HMOX2: variants seen among roughly 807,000 people sequenced by gnomAD.
HMOX2 encodes the protein heme oxygenase (decycling) 2.
In HMOX2, 30 loss-of-function variants were observed where a neutral mutation model predicts 33.7. The ratio of observed to expected loss-of-function variants is 0.89; its 90% CI spans 0.67 to 1.21. The LOEUF (loss-of-function observed/expected upper bound fraction) is 1.21, where lower values mean the gene tolerates loss of function less well. Ranked by LOEUF, HMOX2 falls within the 50% of genes most tolerant of loss-of-function variation. The pLI, the probability that HMOX2 is intolerant of heterozygous loss-of-function variation, is 0.00. For synonymous variants in HMOX2, 155 were observed against 155.0 expected (o/e 1.00, Z 0.00); for missense variants, 403 against 399.1 (o/e 1.01, Z -0.08).
In HMOX2 at chr16:4,507,742, C is replaced by G; in HGVS notation, c.234C>G (p.Tyr78Ter). The G allele has an allele frequency of 6.2e-7, 1 of 1,614,184 alleles. No homozygotes were observed. ...CCACCACGGCACTTTACTTCACATA[C>G]TCAGCCCTCGAGGAGGAAATGGAGC... ...KLATTALYFT[Y>*]SALEEEMERN... Residue 78 changes from tyrosine (Y) to a stop codon, truncating the protein, a stop_gained, in exon 4 of 6, where the codon TAC becomes TAG. Transcript: ENST00000570646. LOFTEE classifies it high-confidence loss of function.
intron 1 of HMOX2, among the ~76,000 whole-genome samples, chr16:4,501,900 G>C (rs1452327278): frequency 6.6e-6 from 1 of 152,158 alleles, no homozygotes; most frequent in Non-Finnish European, 1.5e-5. Context: ...AGCCTTCCCA[G>C]GAGCCTCCTC....
intron 1 of HMOX2, among the ~76,000 whole-genome samples, chr16:4,490,913 G>A (rs1337030629): frequency 1.3e-5 from 2 of 152,104 alleles, no homozygotes; most frequent in South Asian, 2.1e-4. Context: ...GTGGTGGTGG[G>A]GTATGTGTGT....
rs141650438 is a variant in HMOX2 at position 4,484,359 on chromosome 16, A to G, written c.-42+7872A>G. On this transcript the variant is annotated intron_variant, in intron 1 of 5. Transcript: ENST00000570646. ...GATCAAGAAACAGTAGTATGAGGCCATTTGAGAAGTATATATAGTTATCCC... is the reference window on the plus strand; with the variant it reads ...GATCAAGAAACAGTAGTATGAGGCCGTTTGAGAAGTATATATAGTTATCCC... Among the ~76,000 whole-genome samples the G allele has an allele frequency of 2.6e-3, 391 of 152,236 alleles. 4 individuals are homozygous for G. Among genetic ancestry groups the G allele is most frequent in the African/African-American group, 8.9e-3 (369 of 41,568 alleles).
intron 3 of HMOX2, 64 bp from the exon 4 acceptor site, chr16:4,507,649 T>C: frequency 6.4e-7 from 1 of 1,553,356 alleles, no homozygotes; most frequent in Non-Finnish European, 8.7e-7. Flanking sequence ...CTTGAGCCTC[T>C]GCATCCAGCT....
intron 1 of HMOX2, among the ~76,000 whole-genome samples, chr16:4,504,814 C>T (rs1305618908): frequency 2.0e-5 from 3 of 150,856 alleles, no homozygotes; most frequent in Non-Finnish European, 4.4e-5. Flanking sequence ...CTGAGCCTCC[C>T]GAGTAGCTGG....
intron 1 of HMOX2, among the ~76,000 whole-genome samples, chr16:4,480,319 A>G (rs1210377488): frequency 1.4e-5 from 2 of 139,530 alleles, no homozygotes; most frequent in African/African-American, 5.4e-5. Flanking sequence ...AAGTGCTAGT[A>G]TTACAGGCGT....
intron 1 of HMOX2, among the ~76,000 whole-genome samples, chr16:4,488,048 G>A (rs1241000544): frequency 2.0e-5 from 3 of 150,894 alleles, no homozygotes; most frequent in Admixed American, 6.6e-5. Context: ...ACTTGAACCC[G>A]GGAGGCAGAG....
chr16:4,496,229 T>C, intron 1 of HMOX2: 1 of 153,098 alleles, frequency 6.5e-6, no homozygotes, highest in Non-Finnish European at 1.4e-5. Context: ...GTTCAAGAGA[T>C]TCTCCTGCCT....
At chr16:4,487,672 C>T (rs2058204114) in intron 1 of HMOX2, among the ~76,000 whole-genome samples, 1 of 151,564 alleles carries the variant, frequency 6.6e-6, no homozygotes, top group African/African-American at 2.4e-5. Flanking sequence ...TGGTGGCTGG[C>T]GCCTGTAGTC....
intron 1 of HMOX2, among the ~76,000 whole-genome samples, chr16:4,484,369 T>G (rs2058110119): frequency 6.6e-6 from 1 of 151,986 alleles, no homozygotes; most frequent in Admixed American, 6.6e-5. Context: ...ATTTGAGAAG[T>G]ATATATAGTT....
intron 1 of HMOX2, among the ~76,000 whole-genome samples, chr16:4,483,160 GGTGTGTGTGTGTGTGTGTGTGTGTGTGT>G (rs35532266): frequency 0.064 from 8,424 of 131,788 alleles, 416 homozygotes; most frequent in African/African-American, 0.13. Context: ...TGCAAACCCT[GGTGTGTGTGTGTGTGTGTGTGTGTGTGT>G]GTGTGTGTGT....
intron 1 of HMOX2, chr16:4,488,825 CTTTTT>C (rs36017534): frequency 6.1e-5 from 8 of 130,462 alleles, no homozygotes; most frequent in Non-Finnish European, 6.7e-5. Context: ...CTGTACATTT[CTTTTT>C]TTTTTTTTTT....
chr16:4,508,198 C>A lies in HMOX2; in HGVS notation c.690C>A (p.Asn230Lys). The change falls in exon 4 of 6, where the codon AAC (asparagine) becomes AAA (lysine). Residue 230 changes from asparagine (N) to lysine (K), a missense_variant. Coordinates refer to ENST00000570646, the MANE Select transcript of HMOX2 (RefSeq NM_002134.4). ...AGGCCAACAAGGCTTTTGAGTATAA[C>A]ATGCAGGTACTATTGGGGGCTGCCA... Reference protein sequence around the residue: ...VEEANKAFEYNMQIFNELDQA... With the variant: ...VEEANKAFEYKMQIFNELDQA... The A allele has an allele frequency of 1.9e-6, 3 of 1,602,838 alleles. No homozygotes were observed. The highest frequency in any genetic ancestry group is 2.6e-6 in the Non-Finnish European group (3 of 1,173,670).
At chr16:4,493,149 T>G (rs913277296) in intron 1 of HMOX2, among the ~76,000 whole-genome samples, 7 of 152,126 alleles carry the variant, frequency 4.6e-5, no homozygotes, top group Non-Finnish European at 1.0e-4. Context: ...TCTTCCCACC[T>G]AAGCCTCCTA....
intron 1 of HMOX2, among the ~76,000 whole-genome samples, chr16:4,486,373 G>C (rs771126733): frequency 3.3e-5 from 5 of 152,318 alleles, no homozygotes; most frequent in African/African-American, 4.8e-5. Flanking sequence ...GGAGAGGACT[G>C]CTGAGGCCAC....
intron 1 of HMOX2, among the ~76,000 whole-genome samples, chr16:4,482,415 T>C (rs2058053963): frequency 6.6e-6 from 1 of 152,190 alleles, no homozygotes; most frequent in Admixed American, 6.5e-5. Context: ...ATACCAGATA[T>C]ATGGGAGTTG....
intron 1 of HMOX2, among the ~76,000 whole-genome samples, chr16:4,504,354 ATTTTT>A (rs34314976): frequency 1.4e-5 from 1 of 72,886 alleles, no homozygotes; most frequent in Non-Finnish European, 2.7e-5. Context: ...GTAACTTTCA[ATTTTT>A]TTTTTTTTTT....
chr16:4,486,255 T>C (rs1429793720), intron 1 of HMOX2, among the ~76,000 whole-genome samples: 1 of 152,222 alleles, frequency 6.6e-6, no homozygotes, highest in Non-Finnish European at 1.5e-5. Flanking sequence ...CATTCCTTTG[T>C]AAACAAACAG....
upstream of HMOX2, chr16:4,476,384 C>T (rs1446518642): frequency 1.3e-5 from 2 of 152,256 alleles, no homozygotes; most frequent in African/African-American, 2.4e-5. Flanking sequence ...GTTGCGCCGG[C>T]CTCGCGCCAG....
Sources: allele counts gnomAD v4.1 joint callset (sites outside exome capture counted in the v4.1 genomes callset), GRCh38; gene constraint gnomAD v4.1.1; transcripts MANE v1.5; gene names NCBI Gene and HGNC (gene_info 2026-07-23, HGNC 2026-07-21).